DOCK3: variants seen among roughly 807,000 people sequenced by gnomAD.
DOCK3 encodes dedicator of cytokinesis protein 3.
DOCK3 carries 60 observed loss-of-function variants against 265.6 expected under a neutral mutation model. The observed-to-expected ratio is 0.23, with a 90% CI of 0.18 to 0.28. The LOEUF (loss-of-function observed/expected upper bound fraction) is 0.28. Ranked by LOEUF, DOCK3 falls within the 10% of genes least tolerant of loss-of-function variation. DOCK3 has a pLI of 1.00. For synonymous variants in DOCK3, 881 were observed against 938.0 expected (o/e 0.94, Z 1.11); for missense variants, 1,981 against 2,594.3 (o/e 0.76, Z 5.14).
intron 23 of DOCK3, 27 bp downstream of exon 23, chr3:51,260,353 T>C (rs1333775677): frequency 6.3e-7 from 1 of 1,576,570 alleles, no homozygotes; most frequent in East Asian, 2.3e-5. Context: ...GAAGCTTTGA[T>C]GCTGGGTTCC....
At chr3:51,116,450 C>CAA (rs55898136) in intron 9 of DOCK3, among the ~76,000 whole-genome samples, 5,224 of 52,434 alleles carry the variant, frequency 0.1, 516 homozygotes, top group East Asian at 0.31. Context: ...GACTCCATCT[C>CAA]AAAAAAAAAA....
chr3:51,027,557 A>G (rs1422494829), intron 5 of DOCK3, among the ~76,000 whole-genome samples: 1 of 152,020 alleles, frequency 6.6e-6, no homozygotes, highest in Non-Finnish European at 1.5e-5. Flanking sequence ...TCCCACTATT[A>G]TTGTGTGGCT....
At chr3:51,289,945 C>T (rs1366909825) in intron 27 of DOCK3, among the ~76,000 whole-genome samples, 1 of 152,204 alleles carries the variant, frequency 6.6e-6, no homozygotes, top group Non-Finnish European at 1.5e-5. Context: ...TGCTCATCAT[C>T]ACTGGCCATC....
intron 9 of DOCK3, among the ~76,000 whole-genome samples, chr3:51,116,632 T>C (rs2083756731): frequency 6.6e-6 from 1 of 152,152 alleles, no homozygotes; most frequent in Non-Finnish European, 1.5e-5. Context: ...TCCTCTCTTA[T>C]TCCCTTGAGC....
chr3:50,727,591 G>A (rs1278855264), intron 1 of DOCK3, among the ~76,000 whole-genome samples: 2 of 152,098 alleles, frequency 1.3e-5, no homozygotes, highest in Non-Finnish European at 2.9e-5. Context: ...CCAGATACTC[G>A]GGAGGCTGAG....
chr3:51,166,056 T>C (rs968262044), intron 12 of DOCK3, among the ~76,000 whole-genome samples: 1 of 148,066 alleles, frequency 6.8e-6, no homozygotes, highest in Non-Finnish European at 1.5e-5. Flanking sequence ...ATATTCTTTT[T>C]TTTTTTTTTT....
chr3:51,290,105 A>G (rs182728137), intron 27 of DOCK3, among the ~76,000 whole-genome samples: 1,763 of 152,342 alleles, frequency 0.012, 40 homozygotes, highest in African/African-American at 0.039. Context: ...AACTGGTTCA[A>G]CCATTGTGGA....
intron 4 of DOCK3, among the ~76,000 whole-genome samples, chr3:50,893,820 G>C (rs750964725): frequency 6.6e-6 from 1 of 151,996 alleles, no homozygotes; most frequent in Admixed American, 6.6e-5. Flanking sequence ...CATGTCCTTT[G>C]TAGGGACATG....
chr3:51,245,057 G>A (rs567980888), intron 21 of DOCK3, among the ~76,000 whole-genome samples: 1 of 152,310 alleles, frequency 6.6e-6, no homozygotes, highest in East Asian at 1.9e-4. Context: ...AGCCAGGCAT[G>A]GTGGCTCATG....
intron 5 of DOCK3, among the ~76,000 whole-genome samples, chr3:51,032,236 C>A (rs781117991): frequency 6.6e-6 from 1 of 151,904 alleles, no homozygotes; most frequent in Non-Finnish European, 1.5e-5. Flanking sequence ...TAGCTGGCAT[C>A]CCAAACTAGT....
At chr3:50,850,283 C>G (rs1170623428) in intron 3 of DOCK3, among the ~76,000 whole-genome samples, 1 of 151,484 alleles carries the variant, frequency 6.6e-6, no homozygotes, top group East Asian at 2.0e-4. Context: ...TCACTTGAAC[C>G]CAGGAGGCAG....
rs369052678 is a variant in DOCK3, at chr3:50,758,231, T to C, written c.38-20444T>C. On this transcript the variant is annotated intron_variant, in intron 1 of 52. Coordinates refer to ENST00000266037, the MANE Select transcript of DOCK3 (RefSeq NM_004947.5). ...AAAGAAAATTAATTGGACATAAATT[T>C]GAAGGTTATCCCCCCCGCCCCAGAG... Among the ~76,000 whole-genome samples the C allele has an allele frequency of 1.3e-3, 188 of 147,390 alleles. 2 individuals are homozygous for C. The highest frequency in any genetic ancestry group is 7.7e-3 in the East Asian group (39 of 5,082).
intron 5 of DOCK3, among the ~76,000 whole-genome samples, chr3:50,968,314 A>T (rs1347099602): frequency 6.6e-6 from 1 of 152,064 alleles, no homozygotes; most frequent in East Asian, 1.9e-4. Context: ...CTACAGGCAC[A>T]CATCACCATG....
intron 9 of DOCK3, among the ~76,000 whole-genome samples, chr3:51,107,260 A>G (rs2083318179): frequency 6.6e-6 from 1 of 152,248 alleles, no homozygotes; most frequent in Admixed American, 6.5e-5. Context: ...AAGATGAGAA[A>G]GAACCAGTGC....
intron 1 of DOCK3, among the ~76,000 whole-genome samples, chr3:50,759,198 TTAAC>T (rs1237617634): frequency 1.3e-5 from 2 of 152,140 alleles, no homozygotes; most frequent in East Asian, 1.9e-4. Flanking sequence ...AGATATTTAA[TTAAC>T]TAAATTAAGT....
At chr3:51,229,937 A>G (rs1025347265) in intron 19 of DOCK3, among the ~76,000 whole-genome samples, 4 of 152,098 alleles carry the variant, frequency 2.6e-5, no homozygotes, top group African/African-American at 4.8e-5. Context: ...TTCTACTTCT[A>G]TGTGTTCAGT....
intron 38 of DOCK3, among the ~76,000 whole-genome samples, chr3:51,341,876 G>A (rs2085266606): frequency 6.6e-6 from 1 of 152,204 alleles, no homozygotes; most frequent in African/African-American, 2.4e-5. Flanking sequence ...CTCATATTGG[G>A]GTTATTTTCC....
chr3:50,759,721 G>A (rs1244868595), intron 1 of DOCK3, among the ~76,000 whole-genome samples: 1 of 150,544 alleles, frequency 6.6e-6, no homozygotes, highest in Non-Finnish European at 1.5e-5. Flanking sequence ...ATGGTGGCAC[G>A]TGCCTGTAGT....
Position 51,361,871 on chromosome 3 carries a change from G to C in DOCK3, c.5019G>C (p.Leu1673Phe), listed in dbSNP as rs998997811. ...KMTHRHSPMN[L>F]MGTGRHSSSS... ...CTCTTGCTCACAGCCCCATGAACTT[G>C]ATGGGCACAGGCCGCCATTCATCAT... The change falls in exon 48 of 53, where the codon TTG (leucine) becomes TTC (phenylalanine). Residue 1673 changes from leucine (L) to phenylalanine (F), a missense_variant. This residue lies in a region of DOCK3 where 1,357 missense variants were observed against 1,866.8 expected (regional missense o/e 0.73). Transcript: ENST00000266037. This position sits in a 1 kb window ranked among gnomAD's most constrained non-coding sequence, Gnocchi z 4.2. 1.2e-6 allele frequency: 2 copies of C among 1,613,040 alleles called. No individual in the cohort carries two copies. The highest frequency in any genetic ancestry group is 1.7e-6 in the Non-Finnish European group (2 of 1,179,514).
Sources: allele counts gnomAD v4.1 joint callset (sites outside exome capture counted in the v4.1 genomes callset), GRCh38; gene constraint gnomAD v4.1.1; regional missense constraint gnomAD v4.1.1; non-coding constraint Gnocchi (gnomAD v3.1); transcripts MANE v1.5; gene names NCBI Gene and HGNC (gene_info 2026-07-23, HGNC 2026-07-21).